The following NAA35 variants were observed in gnomAD, a reference collection of about 807,000 sequenced individuals.
NAA35 encodes N-alpha-acetyltransferase 35, NatC auxiliary subunit.
NAA35 carries 18 observed loss-of-function variants against 101.7 expected under a neutral mutation model. The observed-to-expected ratio is 0.18, with a 90% CI of 0.12 to 0.26. NAA35 has a LOEUF of 0.26. Ranked by LOEUF, NAA35 falls within the 10% of genes least tolerant of loss-of-function variation. The probability of loss-of-function intolerance (pLI) is 1.00; values close to 1 mark genes in which losing one functional copy is unlikely to be tolerated. For synonymous variants in NAA35, 267 were observed against 273.1 expected, an observed-to-expected ratio of 0.98 and a Z score of 0.22; for missense variants, 601 against 886.8, an observed-to-expected ratio of 0.68 and a Z score of 4.09.
intron 6 of NAA35, among the ~76,000 whole-genome samples, chr9:85,973,960 C>G (rs1359268573): frequency 6.6e-6 from 1 of 151,414 alleles, no homozygotes; most frequent in Non-Finnish European, 1.5e-5. Flanking sequence ...AGGATTCTAT[C>G]TACATTTTTT....
chr9:85,944,866 C>T (rs951085402), intron 2 of NAA35, among the ~76,000 whole-genome samples: 7 of 152,196 alleles, frequency 4.6e-5, no homozygotes, highest in African/African-American at 7.2e-5. Context: ...TCCCCTGGGA[C>T]ATGATGTTCA....
At chr9:86,018,548 C>G in intron 20 of NAA35, 151 bp from the exon 21 acceptor site, 5 of 1,312,870 alleles carry the variant, frequency 3.8e-6, no homozygotes, top group Non-Finnish European at 5.2e-6. Context: ...TTATATATTA[C>G]CTAGGAAAAA....
In NAA35 at chr9:86,020,972, G is replaced by GAGT. The variant is rs751310277; in HGVS notation, c.2118+5_2118+7dup. 15 of 1,605,636 alleles carry GAGT rather than the reference G, an allele frequency of 9.3e-6. No individual in the cohort carries two copies. The highest frequency in any genetic ancestry group is 1.1e-5 in the Non-Finnish European group (13 of 1,175,108). On this transcript the variant is annotated splice_donor_region_variant and intron_variant, in intron 22 of 22. Transcript: ENST00000361671. ...GAGGACACAAAAAGGAATCTAAAGT[G>GAGT]AGTACATTGTGGGAAAAATAAGTGG... is the stretch of plus-strand genomic sequence containing the variant.
At chr9:85,996,684 G>A in intron 12 of NAA35, 107 bp downstream of exon 12, 1 of 794,870 alleles carries the variant, frequency 1.3e-6, no homozygotes, top group East Asian at 2.9e-5. Flanking sequence ...CAGAATAATT[G>A]ATTGCTTTAT....
intron 15 of NAA35, among the ~76,000 whole-genome samples, chr9:86,011,932 A>G (rs1564325557): frequency 7.1e-6 from 1 of 141,692 alleles, no homozygotes; most frequent in African/African-American, 2.6e-5. Context: ...TATAATATAT[A>G]CTATAATATA....
chr9:85,944,926 T>A (rs1169051827), intron 2 of NAA35, among the ~76,000 whole-genome samples: 2 of 152,228 alleles, frequency 1.3e-5, no homozygotes, highest in Non-Finnish European at 2.9e-5. Flanking sequence ...CGGCAGAATT[T>A]AGTCTCAATG....
rs1831944026 is a variant in NAA35 at position 86,011,924 on chromosome 9, T to G, written c.1291-1122T>G. ...ATATTAATATATATTATATATCATATAATATATACTATAATATATAATATA... is the reference window on the plus strand; with the variant it reads ...ATATTAATATATATTATATATCATAGAATATATACTATAATATATAATATA... On this transcript the variant is annotated intron_variant, in intron 15 of 22. Transcript: ENST00000361671. 3.6e-5 allele frequency among the ~76,000 whole-genome samples: 5 copies of G among 139,892 alleles called. No individual in the cohort carries two copies. The South Asian group carries it at 1.1e-3, about 30-fold the overall frequency. 91.8% of individuals were successfully genotyped at this position (139,892 alleles called of 152,430 possible).
At chr9:85,948,860 C>T (rs902181178) in intron 2 of NAA35, among the ~76,000 whole-genome samples, 3 of 152,044 alleles carry the variant, frequency 2.0e-5, no homozygotes, top group East Asian at 1.9e-4. Context: ...CGGGTTCAGG[C>T]GATTCTCCTG....
intron 8 of NAA35, among the ~76,000 whole-genome samples, chr9:85,976,483 T>C (rs1194009823): frequency 6.6e-6 from 1 of 152,184 alleles, no homozygotes; most frequent in Non-Finnish European, 1.5e-5. Context: ...TTCCATGATC[T>C]TTATAATTTA....
chr9:86,007,354 T>TA lies in NAA35; in HGVS notation c.1117-2dup, dbSNP rs759401739. 5.2e-5 allele frequency: 84 copies of TA among 1,608,160 alleles called. No individual in the cohort carries two copies. The highest frequency in any genetic ancestry group is 7.1e-5 in the Non-Finnish European group (84 of 1,174,892). On this transcript the variant is annotated splice_polypyrimidine_tract_variant and splice_region_variant and intron_variant, in intron 13 of 22. Coordinates refer to ENST00000361671, the MANE Select transcript of NAA35 (RefSeq NM_024635.4). ...CGTAACTAATATATAACATTTGTTT[T>TA]AAGACCACTTTCCTGGTGGATAACA...
At chr9:85,947,129 G>A (rs1214848622) in intron 2 of NAA35, among the ~76,000 whole-genome samples, 2 of 152,128 alleles carry the variant, frequency 1.3e-5, no homozygotes, top group African/African-American at 4.8e-5. Flanking sequence ...TGTCATTTTG[G>A]GGGATTGCCT....
chr9:86,021,030 CAAT>C lies in NAA35; in HGVS notation c.2118+64_2118+66del, dbSNP rs1210722424. 32 of 1,226,152 alleles carry C rather than the reference CAAT, an allele frequency of 2.6e-5. No individual in the cohort carries two copies. In the African/African-American group the frequency reaches 3.4e-4, roughly 13 times the overall value. 76.0% of individuals were successfully genotyped at this position (1,226,152 alleles called of 1,614,324 possible). ...TTATTGTGAAGTTTCATAAGTTTTG[CAAT>C]AAGATGTGTAAATATTACAGGAAAA... On this transcript the variant is annotated intron_variant, in intron 22 of 22. Coordinates refer to ENST00000361671, the MANE Select transcript of NAA35 (RefSeq NM_024635.4).
At chr9:85,990,904 T>G (rs1336943247) in intron 11 of NAA35, among the ~76,000 whole-genome samples, 1 of 152,214 alleles carries the variant, frequency 6.6e-6, no homozygotes, top group Admixed American at 6.5e-5. Context: ...TGTAGAATGG[T>G]AGTGGAATGG....
rs758052966 is a variant in NAA35, at chr9:86,007,394, A to G, written c.1153A>G (p.Thr385Ala). 2.5e-6 allele frequency: 4 copies of G among 1,613,406 alleles called. No individual in the cohort carries two copies. The highest frequency in any genetic ancestry group is 2.7e-5 in the African/African-American group (2 of 74,890). ...FLVDNKKVFG[T>A]HLMQDMVKDA... ...GGTGGATAACAAAAAGGTCTTTGGA[A>G]CTCATCTCATGCAAGACATGGTGAA... Residue 385 changes from threonine to alanine, a missense_variant, in exon 14 of 23, where the codon ACT becomes GCT. Transcript: ENST00000361671.
rs12001950 is a variant in NAA35 at position 85,977,554 on chromosome 9, A to G, written c.762+108A>G. On this transcript the variant is annotated intron_variant, in intron 10 of 22. Coordinates refer to ENST00000361671, the MANE Select transcript of NAA35 (RefSeq NM_024635.4). ...CCTTGAAGTGCTCCTGATCCCAGAT[A>G]TACAGAACTCAGCATTTGGTATATT... 1.5e-5 allele frequency: 11 copies of G among 716,642 alleles called. No homozygotes were observed. The African/African-American group carries it at 1.6e-4, about 10-fold the overall frequency. 44.4% of individuals were successfully genotyped at this position (716,642 alleles called of 1,614,324 possible).
intron 6 of NAA35, among the ~76,000 whole-genome samples, chr9:85,966,904 C>T (rs1304004927): frequency 1.3e-5 from 2 of 152,260 alleles, no homozygotes; most frequent in African/African-American, 2.4e-5. Flanking sequence ...GTCAGGAGTT[C>T]GAGACCAGCC....
intron 6 of NAA35, among the ~76,000 whole-genome samples, chr9:85,969,321 T>C (rs985308567): frequency 2.6e-5 from 4 of 151,344 alleles, no homozygotes; most frequent in African/African-American, 9.8e-5. Context: ...ATTTGGTAAG[T>C]TGCTATTTAC....
At chr9:85,968,501 G>A (rs1264879392) in intron 6 of NAA35, among the ~76,000 whole-genome samples, 3 of 152,160 alleles carry the variant, frequency 2.0e-5, no homozygotes, top group Non-Finnish European at 4.4e-5. Flanking sequence ...GTGAGCCACC[G>A]TGCCCGGCCA....
At position 85,956,400 on chromosome 9, in the gene NAA35, A is replaced by G; in HGVS notation, c.158+7A>G. The G allele has an allele frequency of 7.2e-7, 1 of 1,397,694 alleles. No homozygotes were observed. The highest frequency in any genetic ancestry group is 9.7e-7 in the Non-Finnish European group (1 of 1,032,766). The allele number at this position is 1,397,694 out of a possible 1,614,324, so 86.6% of individuals were successfully genotyped here. A position where few individuals can be genotyped will look rare whatever the true frequency, so the allele number is the denominator to read the frequency against. The stretch of plus-strand genomic sequence containing the variant: ...AACTACTTCATGATAAGCTGTAAGT[A>G]TTTATCCTTTGAAAATAGTGTAGTG... On this transcript the variant is annotated splice_region_variant and intron_variant, in intron 3 of 22. Transcript: ENST00000361671.
Sources: gnomAD v4.1 joint callset for allele counts (sites outside exome capture counted in the v4.1 genomes callset) on GRCh38, gnomAD v4.1.1 for gene constraint, MANE v1.5 for transcripts, NCBI Gene and HGNC (gene_info 2026-07-23, HGNC 2026-07-21) for gene names.